The following ELAVL4 variants were observed in gnomAD, a reference collection of about 807,000 sequenced individuals.
ELAVL4 encodes ELAV like RNA binding protein 4.
In ELAVL4, 1 loss-of-function variant was observed where a neutral mutation model predicts 35.6. The observed-to-expected ratio is 0.03, with a 90% confidence interval of 0.01 to 0.13. The LOEUF (loss-of-function observed/expected upper bound fraction) is 0.13, where lower values mean the gene tolerates loss of function less well. Ranked by LOEUF, ELAVL4 falls within the 10% of genes least tolerant of loss-of-function variation. The pLI, the probability that ELAVL4 is intolerant of heterozygous loss-of-function variation, is 1.00. For missense variants in ELAVL4, 267 were observed against 464.9 expected, an observed-to-expected ratio of 0.57 and a Z score of 3.91; for synonymous variants, 156 against 171.0, an observed-to-expected ratio of 0.91 and a Z score of 0.69.
At chr1:50,138,885 C>G (rs531095985) in intron 1 of ELAVL4, among the ~76,000 whole-genome samples, 2 of 152,244 alleles carry the variant, frequency 1.3e-5, no homozygotes, top group South Asian at 4.1e-4. Context: ...GAGTTTCAGA[C>G]TTACAAGATG....
rs528403726 is a variant in ELAVL4, at chr1:50,057,769, G to A, written c.18+9587G>A. On this transcript the variant is annotated intron_variant, in intron 1 of 6. Coordinates refer to the ELAVL4 transcript ENST00000448907. ...GTGATGTTTGCATGATGACAAAATT[G>A]CCTGACGTATTTCTCAGAACGTATC... 2.0e-3 allele frequency among the ~76,000 whole-genome samples: 299 copies of A among 152,244 alleles called. 10 individuals are homozygous for A. The South Asian group carries it at 0.061, about 31-fold the overall frequency.
chr1:50,099,920 T>C (rs1405282160), upstream of ELAVL4, among the ~76,000 whole-genome samples: 1 of 152,220 alleles, frequency 6.6e-6, no homozygotes, highest in African/African-American at 2.4e-5. Context: ...ATTTTGATTG[T>C]TACTGTTTTA....
intron 1 of ELAVL4, among the ~76,000 whole-genome samples, chr1:50,067,710 C>T (rs1028622552): frequency 6.6e-6 from 1 of 152,180 alleles, no homozygotes; most frequent in African/African-American, 2.4e-5. Context: ...AGTCCATTCT[C>T]ATGCTGCCAT....
intron 1 of ELAVL4, among the ~76,000 whole-genome samples, chr1:50,115,971 G>T (rs140071330): frequency 9.2e-4 from 140 of 152,228 alleles, no homozygotes; most frequent in African/African-American, 3.1e-3. Context: ...AATGAGGTTT[G>T]TGTCAAATAG....
intron 5 of ELAVL4, among the ~76,000 whole-genome samples, chr1:50,196,986 A>G (rs1048641689): frequency 6.6e-6 from 1 of 152,244 alleles, no homozygotes; most frequent in African/African-American, 2.4e-5. Flanking sequence ...TAGTTAATGT[A>G]GCAAGGCTAA....
intron 1 of ELAVL4, among the ~76,000 whole-genome samples, chr1:50,092,977 C>T (rs1335681744): frequency 6.6e-6 from 1 of 152,228 alleles, no homozygotes; most frequent in Non-Finnish European, 1.5e-5. Context: ...CCTATTCTCA[C>T]TCCAATATAA....
In ELAVL4 at chr1:50,201,022, T is replaced by A. The variant is rs1305052401; in HGVS notation, c.945T>A (p.Ile315=). 6.2e-7 allele frequency: 1 copy of A among 1,614,074 alleles called. No homozygotes were observed. The highest frequency in any genetic ancestry group is 8.5e-7 in the Non-Finnish European group (1 of 1,179,984). ...PFGAVNNVKV[I]RDFNTNKCKG... ...GAGCAGTGAACAACGTAAAGGTGAT[T>A]CGTGACTTCAACACCAACAAGTGCA... Residue 315 remains isoleucine, a synonymous_variant, in exon 7 of 7, where the codon ATT becomes ATA. Coordinates refer to ENST00000371824, the MANE Select transcript of ELAVL4 (RefSeq NM_001144774.3). This position sits in a 1 kb window ranked among gnomAD's most constrained non-coding sequence, Gnocchi z 4.3.
intron 2 of ELAVL4, among the ~76,000 whole-genome samples, chr1:50,163,405 T>C (rs1178188834): frequency 1.3e-5 from 2 of 152,172 alleles, no homozygotes; most frequent in African/African-American, 4.8e-5. Context: ...TTTTCCAAGA[T>C]TGTCATTCTA....
intron 1 of ELAVL4, among the ~76,000 whole-genome samples, chr1:50,086,839 T>C (rs1665269067): frequency 6.6e-6 from 1 of 152,074 alleles, no homozygotes. Flanking sequence ...GTGTATTATA[T>C]TCTGGAAGGA....
chr1:50,120,364 G>T (rs1233064735), intron 1 of ELAVL4, among the ~76,000 whole-genome samples: 2 of 152,036 alleles, frequency 1.3e-5, no homozygotes, highest in Non-Finnish European at 2.9e-5. Flanking sequence ...TAAAGGCATA[G>T]AGATGGGAAC....
chr1:50,111,508 T>C (rs1461868524), intron 1 of ELAVL4, among the ~76,000 whole-genome samples: 3 of 152,140 alleles, frequency 2.0e-5, no homozygotes. Flanking sequence ...CTAAATCGGA[T>C]GTTGATACTA....
At position 50,197,110 on chromosome 1, in the gene ELAVL4, C is replaced by T. The variant is rs538328378; in HGVS notation, c.735-319C>T. On this transcript the variant is annotated intron_variant, in intron 5 of 6. Coordinates refer to ENST00000371824, the MANE Select transcript of ELAVL4 (RefSeq NM_001144774.3). Reference sequence around the variant, plus strand: ...AAAGGTGAACAATTTAAGAAGCCCCCGCTTTGAACAATTTCACTACAATAT... The same window carrying T: ...AAAGGTGAACAATTTAAGAAGCCCCTGCTTTGAACAATTTCACTACAATAT... 3.0e-4 allele frequency among the ~76,000 whole-genome samples: 46 copies of T among 152,226 alleles called. 1 individual carries two copies. In the South Asian group the frequency reaches 7.9e-3, roughly 26 times the overall value.
In ELAVL4 at chr1:50,149,543, T is replaced by C. The variant is rs188540186; in HGVS notation, c.250+4346T>C. Reference sequence around the variant, plus strand: ...CTCTCTGTGTACCCATGCATTGTCCTTTTTTTTTTTTTTTTTTTGAGATGA... The same window carrying C: ...CTCTCTGTGTACCCATGCATTGTCCCTTTTTTTTTTTTTTTTTTGAGATGA... On this transcript the variant is annotated intron_variant, in intron 2 of 6. Coordinates refer to ENST00000371824, the MANE Select transcript of ELAVL4 (RefSeq NM_001144774.3). Among the ~76,000 whole-genome samples, 185 of 108,264 alleles carry C rather than the reference T, an allele frequency of 1.7e-3. 1 individual carries two copies. Among genetic ancestry groups the C allele is most frequent in the Admixed American group, 3.6e-3 (41 of 11,290 alleles). 71.0% of individuals were successfully genotyped at this position (108,264 alleles called of 152,430 possible).
chr1:50,158,144 G>T (rs1200898356), intron 2 of ELAVL4, among the ~76,000 whole-genome samples: 1 of 152,170 alleles, frequency 6.6e-6, no homozygotes, highest in Non-Finnish European at 1.5e-5. Flanking sequence ...ATTAATTTAT[G>T]TAAACTACCC....
intron 1 of ELAVL4, among the ~76,000 whole-genome samples, chr1:50,089,392 G>GA (rs1572156597): frequency 6.6e-6 from 1 of 151,718 alleles, no homozygotes; most frequent in East Asian, 1.9e-4. Flanking sequence ...TAGTTTTTTT[G>GA]AAAAAACAAA....
upstream of ELAVL4, among the ~76,000 whole-genome samples, chr1:50,107,564 G>A (rs1666438064): frequency 6.6e-6 from 1 of 151,988 alleles, no homozygotes; most frequent in South Asian, 2.1e-4. Flanking sequence ...TTTATTCTTG[G>A]ACTTTGAAAC....
chr1:50,048,133 G>C (rs1663163995), exon 1 of ELAVL4: 2 of 1,510,156 alleles, frequency 1.3e-6, no homozygotes, highest in Non-Finnish European at 1.8e-6. Context: ...CCCAGCCTCC[G>C]CAGCCTCGGG....
chr1:50,145,062 G>C lies in ELAVL4; in HGVS notation c.115G>C (p.Ala39Pro). The C allele has an allele frequency of 3.7e-6, 6 of 1,613,902 alleles. No homozygotes were observed. The highest frequency in any genetic ancestry group is 5.1e-6 in the Non-Finnish European group (6 of 1,179,946). Residue 39 changes from alanine (A) to proline (P), a missense_variant, in exon 2 of 7, where the codon GCA (alanine) becomes CCA (proline). By Grantham distance (27) the Ala-to-Pro change is conservative (BLOSUM62 -1). Around this residue, in one of 2 missense-constraint regions of ELAVL4, gnomAD observed 51 missense variants for 55.4 expected, o/e 0.92. Transcript: ENST00000371824. ...RNCPSPMQTG[A>P]TTDDSKTNLI... is the part of the protein sequence containing the mutation. ...CTGTCCTTCTCCCATGCAAACAGGG[G>C]CAACCACAGATGACAGCAAAACCAA...
At chr1:50,071,523 T>C (rs2148487447) in intron 1 of ELAVL4, among the ~76,000 whole-genome samples, 1 of 152,330 alleles carries the variant, frequency 6.6e-6, no homozygotes, top group South Asian at 2.1e-4. Context: ...TGCAGCTTCC[T>C]ACTGGACCAC....
Sources: gnomAD v4.1 joint callset for allele counts (sites outside exome capture counted in the v4.1 genomes callset) on GRCh38, gnomAD v4.1.1 for gene constraint, gnomAD v4.1.1 regional missense constraint, Gnocchi (gnomAD v3.1) non-coding constraint, MANE v1.5 for transcripts, NCBI Gene and HGNC (gene_info 2026-07-23, HGNC 2026-07-21) for gene names.